Variants in ATP6AP2 observed in about 807,000 individuals in gnomAD.
ATP6AP2 encodes the protein renin receptor.
A neutral mutation model predicts 23.4 loss-of-function variants in ATP6AP2; 1 was observed. The ratio of observed to expected loss-of-function variants is 0.04; its 90% CI spans 0.02 to 0.20. The LOEUF is 0.20. ATP6AP2 is among the 10% of genes least tolerant of loss of function. The pLI is 1.00. For missense variants in ATP6AP2, 174 were observed against 271.3 expected, an observed-to-expected ratio of 0.64 and a Z score of 2.52; for synonymous variants, 90 against 97.1, an observed-to-expected ratio of 0.93 and a Z score of 0.43.
rs1431585120 is a variant in ATP6AP2, at chrX:40,600,865, T to C, written c.842T>C (p.Leu281Pro). Residue 281 changes from leucine to proline, a missense_variant, in exon 8 of 9, where the codon CTT (leucine) becomes CCT (proline). Leu to Pro is a moderately conservative substitution (Grantham distance 98). Coordinates refer to ENST00000636580, the MANE Select transcript of ATP6AP2 (RefSeq NM_005765.3). ...CTCATTAGGAAGACAAGGACTATCC[T>C]TGAGGCAAAACAAGCGGTGAGTATA... ...TSLIRKTRTILEAKQAKNPAS... is the reference protein window; with the variant it reads ...TSLIRKTRTIPEAKQAKNPAS... The C allele has an allele frequency of 1.7e-6, 2 of 1,209,194 alleles. No individual in the cohort carries two copies. Among genetic ancestry groups the C allele is most frequent in the Admixed American group, 2.2e-5 (1 of 45,853 alleles).
intron 1 of ATP6AP2, among the ~76,000 whole-genome samples, chrX:40,585,181 T>G (rs1277160730): frequency 1.8e-5 from 2 of 112,668 alleles, no homozygotes; most frequent in East Asian, 2.8e-4. Context: ...TTTAAAAACT[T>G]TTATTTTTGT....
intron 3 of ATP6AP2, among the ~76,000 whole-genome samples, chrX:40,593,837 G>A (rs1239703815): frequency 9.0e-6 from 1 of 111,282 alleles, no homozygotes; most frequent in East Asian, 2.8e-4. Context: ...TTATCCATTC[G>A]TTTGATTATG....
chrX:40,586,192 G>C (rs766705910), intron 1 of ATP6AP2, among the ~76,000 whole-genome samples: 13 of 111,982 alleles, frequency 1.2e-4, no homozygotes, highest in African/African-American at 4.2e-4. Context: ...CCTGGGGATA[G>C]TGTGTGAACA....
chrX:40,606,261 G>T lies in ATP6AP2; in HGVS notation c.*506G>T, dbSNP rs144011766. 6 of 117,793 alleles carry T rather than the reference G, an allele frequency of 5.1e-5. No individual in the cohort carries two copies. The highest frequency in any genetic ancestry group is 1.6e-4 in the African/African-American group (5 of 30,849). 9.7% of individuals were successfully genotyped at this position (117,793 alleles called of 1,213,427 possible). A position where few individuals can be genotyped will look rare whatever the true frequency, so the allele number is the denominator to read the frequency against. On this transcript the variant is annotated 3_prime_UTR_variant, in exon 9 of 9. Coordinates refer to ENST00000636580, the MANE Select transcript of ATP6AP2 (RefSeq NM_005765.3). ...TAGAGTAGCCCTAAAATATGGATGTGCTTATATAATCGCTTAGTTTTGGAA... is the reference window on the plus strand; with the variant it reads ...TAGAGTAGCCCTAAAATATGGATGTTCTTATATAATCGCTTAGTTTTGGAA...
At chrX:40,590,876 A>G (rs1926609490) in intron 2 of ATP6AP2, 1 of 217,324 alleles carries the variant, frequency 4.6e-6, no homozygotes. Flanking sequence ...TGAGGGCAAA[A>G]AATGATGTGG....
intron 5 of ATP6AP2, chrX:40,597,931 A>G (rs1926815022): frequency 3.2e-6 from 1 of 308,650 alleles, no homozygotes; most frequent in Non-Finnish European, 5.8e-6. Flanking sequence ...ATTCTTCTTT[A>G]GTGTAATTTT....
chrX:40,598,743 G>T lies in ATP6AP2; in HGVS notation c.588+9G>T. 8.3e-7 allele frequency: 1 copy of T among 1,203,687 alleles called. No individual in the cohort carries two copies. The highest frequency in any genetic ancestry group is 1.8e-5 in the South Asian group (1 of 56,708). On this transcript the variant is annotated intron_variant, in intron 6 of 8. Transcript: ENST00000636580. The stretch of plus-strand genomic sequence containing the variant: ...ATGATATTTCAAGCTTGGTAAGTAG[G>T]CTGCTCTAATTTTTTAATTCCATTT...
At chrX:40,602,848 G>A (rs1926962229) in intron 8 of ATP6AP2, among the ~76,000 whole-genome samples, 1 of 104,020 alleles carries the variant, frequency 9.6e-6, no homozygotes, top group South Asian at 4.8e-4. Flanking sequence ...CAGGGAAACA[G>A]AAAGGCACCT....
intron 1 of ATP6AP2, among the ~76,000 whole-genome samples, chrX:40,585,669 C>T (rs924683877): frequency 2.7e-5 from 3 of 109,851 alleles, no homozygotes; most frequent in Admixed American, 9.8e-5. Context: ...GTCTGGCCAA[C>T]GTAGTGAAAC....
intron 5 of ATP6AP2, chrX:40,598,193 C>T (rs776776554): frequency 1.9e-5 from 3 of 160,079 alleles, no homozygotes; most frequent in African/African-American, 9.4e-5. Flanking sequence ...ACTTTTGACT[C>T]CTGTCCTTCA....
In ATP6AP2 at chrX:40,606,025, G is replaced by A. The variant is rs1602406468; in HGVS notation, c.*270G>A. 4 of 306,065 alleles carry A rather than the reference G, an allele frequency of 1.3e-5. No individual in the cohort carries two copies. The South Asian group carries it at 2.5e-4, about 19-fold the overall frequency. The allele number at this position is 306,065 out of a possible 1,213,427, so 25.2% of individuals were successfully genotyped here. On this transcript the variant is annotated 3_prime_UTR_variant, in exon 9 of 9. Coordinates refer to ENST00000636580, the MANE Select transcript of ATP6AP2 (RefSeq NM_005765.3). Reference sequence around the variant, plus strand: ...TGATTTCATTCTGTTTAATGAATTTGGAAATATGCACTGAAAGAAATGTAA... The same window carrying A: ...TGATTTCATTCTGTTTAATGAATTTAGAAATATGCACTGAAAGAAATGTAA...
At chrX:40,595,662 C>G (rs376754528) in intron 3 of ATP6AP2, among the ~76,000 whole-genome samples, 34 of 111,410 alleles carry the variant, frequency 3.1e-4, no homozygotes, top group South Asian at 7.6e-4. Flanking sequence ...TCATGTATTC[C>G]CCTCACAGCC....
intron 6 of ATP6AP2, chrX:40,599,107 C>T (rs1273550884): frequency 4.5e-6 from 1 of 223,667 alleles, no homozygotes; most frequent in South Asian, 7.8e-5. Flanking sequence ...CAAGAAGGGA[C>T]GAAATCCGTC....
rs572444277 is a variant in ATP6AP2 at position 40,605,932 on chromosome X, C to T, written c.*177C>T. On this transcript the variant is annotated 3_prime_UTR_variant, in exon 9 of 9. Coordinates refer to ENST00000636580, the MANE Select transcript of ATP6AP2 (RefSeq NM_005765.3). ...TTTCTAGAGTGAATTATAGTATTGA[C>T]GTGAATCCCACTGTGGTATAGATTC... 1.4e-3 allele frequency: 616 copies of T among 442,771 alleles called. 6 individuals carry two copies. The highest frequency in any genetic ancestry group is 0.014 in the South Asian group (368 of 27,111). The allele number at this position is 442,771 out of a possible 1,213,427, so 36.5% of individuals were successfully genotyped here.
At chrX:40,586,573 G>A (rs1394841713) in intron 1 of ATP6AP2, among the ~76,000 whole-genome samples, 1 of 111,826 alleles carries the variant, frequency 8.9e-6, no homozygotes, top group East Asian at 2.8e-4. Flanking sequence ...TTGAAAGTTA[G>A]GAAGCCCATT....
rs145366052 is a variant in ATP6AP2, at chrX:40,604,579, A to T, written c.859-982A>T. 7.0e-3 allele frequency among the ~76,000 whole-genome samples: 786 copies of T among 111,578 alleles called. 5 individuals carry two copies. Among genetic ancestry groups the T allele is most frequent in the African/African-American group, 0.024 (743 of 30,709 alleles). On this transcript the variant is annotated intron_variant, in intron 8 of 8. Coordinates refer to ENST00000636580, the MANE Select transcript of ATP6AP2 (RefSeq NM_005765.3). The stretch of plus-strand genomic sequence containing the variant: ...ATCGAGATGAGATTTGGGTGGGGAC[A>T]CAGAGCCAAACCATATCAATAGCTT...
In ATP6AP2 at chrX:40,581,084, C is replaced by G. The variant is rs765852654; in HGVS notation, c.19C>G (p.Leu7Val). The change falls in exon 1 of 9, where the codon CTC becomes GTC. Residue 7 changes from leucine to valine, a missense_variant. By Grantham distance (32) the Leu-to-Val change is conservative (BLOSUM62 1). Coordinates refer to ENST00000636580, the MANE Select transcript of ATP6AP2 (RefSeq NM_005765.3). MAVFVV[L>V]LALVAGVLGN... ...CGGCACCATGGCTGTGTTTGTCGTG[C>G]TCCTGGCGTTGGTGGCGGGTGAGGA... is the stretch of plus-strand genomic sequence containing the variant. 3 of 1,162,998 alleles carry G rather than the reference C, an allele frequency of 2.6e-6. No individual in the cohort carries two copies. The highest frequency in any genetic ancestry group is 3.4e-6 in the Non-Finnish European group (3 of 871,632).
chrX:40,581,155 G>C, intron 1 of ATP6AP2, 53 bp downstream of exon 1: 1 of 1,074,458 alleles, frequency 9.3e-7, no homozygotes, highest in Admixed American at 3.7e-5. Flanking sequence ...GCGCCGCGGG[G>C]CTTGGGGGTC....
chrX:40,587,248 C>T (rs1025917852), intron 1 of ATP6AP2, among the ~76,000 whole-genome samples: 28 of 112,262 alleles, frequency 2.5e-4, no homozygotes, highest in African/African-American at 6.8e-4. Flanking sequence ...CCAGCCTAGG[C>T]GACAGTGTGA....
Sources: allele counts gnomAD v4.1 joint callset (sites outside exome capture counted in the v4.1 genomes callset), GRCh38; gene constraint gnomAD v4.1.1; transcripts MANE v1.5; gene names NCBI Gene and HGNC (gene_info 2026-07-23, HGNC 2026-07-21).